The following TADA3 variants were observed in gnomAD, a reference collection of about 807,000 sequenced individuals.
TADA3 encodes the protein transcriptional adaptor 3.
Under a neutral mutation model 43.2 loss-of-function variants are expected in TADA3, and 25 were observed. That is an observed-to-expected ratio of 0.58 (90% CI 0.42 to 0.81). The LOEUF is 0.81. Ranked by LOEUF, TADA3 falls within the 30% of genes least tolerant of loss-of-function variation. The pLI, the probability that TADA3 is intolerant of heterozygous loss-of-function variation, is 0.00. For synonymous variants in TADA3, 235 were observed against 225.5 expected, an observed-to-expected ratio of 1.04 and a Z score of -0.38; for missense variants, 441 against 567.8, an observed-to-expected ratio of 0.78 and a Z score of 2.27.
At chr3:9,792,685 G>C (rs1200869129), upstream of TADA3, 3 of 1,233,316 alleles carry the variant, frequency 2.4e-6, no homozygotes, top group East Asian at 9.5e-5. Context: ...AGTTAGCCCC[G>C]CCGAGCGCCA....
chr3:9,785,553 G>A, intron 6 of TADA3, 128 bp from the exon 7 acceptor site: 1 of 655,022 alleles, frequency 1.5e-6, no homozygotes, highest in Non-Finnish European at 2.6e-6. Context: ...CCTACCGTGG[G>A]AAGCCTTCCC....
At chr3:9,790,679 T>C (rs2078707943) in intron 2 of TADA3, among the ~76,000 whole-genome samples, 3 of 152,250 alleles carry the variant, frequency 2.0e-5, no homozygotes, top group Admixed American at 1.3e-4. Flanking sequence ...ACTTACTTAG[T>C]GTCTGGCATT....
upstream of TADA3, chr3:9,792,478 A>C: frequency 1.1e-5 from 13 of 1,175,606 alleles, no homozygotes; most frequent in Admixed American, 4.6e-5. Flanking sequence ...GGAACTGGCT[A>C]TGGGCGGGCC....
In TADA3 at chr3:9,787,265, G is replaced by T. The variant is rs369910263; in HGVS notation, c.640C>A (p.Arg214=). The part of the protein sequence containing the change: ...DLLEEQKDGA[R]AAAVADKKKG... ...TTCTTGTCAGCCACAGCCGCTGCCC[G>T]GGCCCCATCCTTCTGCTCCTCCAGC... Residue 214 remains arginine, a synonymous_variant, in exon 5 of 9, where the codon CGG becomes AGG. Coordinates refer to ENST00000301964, the MANE Select transcript of TADA3 (RefSeq NM_006354.5). 3.1e-6 allele frequency: 5 copies of T among 1,614,192 alleles called. No homozygotes were observed. The East Asian group carries it at 8.9e-5, about 29-fold the overall frequency.
chr3:9,792,605 G>A, upstream of TADA3: 1 of 1,230,498 alleles, frequency 8.1e-7, no homozygotes, highest in Non-Finnish European at 1.0e-6. Context: ...CGGGTGGTCG[G>A]CCTCAGGCGA....
chr3:9,788,794 C>T (rs2125625786), intron 4 of TADA3, among the ~76,000 whole-genome samples: 1 of 152,116 alleles, frequency 6.6e-6, no homozygotes, highest in East Asian at 1.9e-4. Context: ...CCTGCCACAG[C>T]CTCCCAAAGT....
intron 4 of TADA3, 65 bp from the exon 5 acceptor site, chr3:9,787,405 A>G (rs1282279601): frequency 6.5e-7 from 1 of 1,537,038 alleles, no homozygotes; most frequent in Non-Finnish European, 8.7e-7. Context: ...TCATTCATTC[A>G]TTCACTTACC....
intron 4 of TADA3, chr3:9,788,101 G>A (rs1033074636): frequency 4.5e-6 from 1 of 222,080 alleles, no homozygotes; most frequent in Non-Finnish European, 9.2e-6. Flanking sequence ...GAGGAAGAAA[G>A]GCCTGGATGC....
upstream of TADA3, chr3:9,792,770 G>C: frequency 8.0e-7 from 1 of 1,248,642 alleles, no homozygotes; most frequent in Non-Finnish European, 1.0e-6. Flanking sequence ...CGTCCGCTTC[G>C]GCTTGTCCTA....
chr3:9,784,025 C>T lies in TADA3; in HGVS notation c.1106+3G>A, dbSNP rs2078544144. On this transcript the variant is annotated splice_donor_region_variant and intron_variant, in intron 8 of 8. Transcript: ENST00000301964. ...CGGGACTGTGCATCCTGCTAACGCT[C>T]ACCTCAGCAGGTCGTGCTTCTTGGT... The T allele has an allele frequency of 4.3e-6, 7 of 1,612,778 alleles. No individual in the cohort carries two copies. The highest frequency in any genetic ancestry group is 5.9e-6 in the Non-Finnish European group (7 of 1,179,082).
At chr3:9,789,431 G>A in intron 4 of TADA3, 78 bp downstream of exon 4, 2 of 1,344,676 alleles carry the variant, frequency 1.5e-6, no homozygotes, top group Non-Finnish European at 1.0e-6. Flanking sequence ...ATGATGCATG[G>A]CTTTGGTAGC....
At chr3:9,782,790 C>A (rs369083781) in intron 8 of TADA3, among the ~76,000 whole-genome samples, 833 of 119,548 alleles carry the variant, frequency 7.0e-3, no homozygotes, top group African/African-American at 8.2e-3. Context: ...GACACCGTCT[C>A]AAAAAAAAAA....
chr3:9,785,449 G>T (rs2078585270), intron 6 of TADA3, 24 bp from the exon 7 acceptor site: 2 of 1,544,752 alleles, frequency 1.3e-6, no homozygotes, highest in Non-Finnish European at 8.9e-7. Flanking sequence ...AAAATGAGTG[G>T]AAGGAAAAAT....
At chr3:9,786,738 T>C (rs2078623192) in intron 6 of TADA3, among the ~76,000 whole-genome samples, 1 of 152,212 alleles carries the variant, frequency 6.6e-6, no homozygotes. Context: ...TTCTAGGATA[T>C]AGTAATGTTT....
chr3:9,782,048 G>A (rs1052814853), intron 8 of TADA3, among the ~76,000 whole-genome samples: 3 of 151,854 alleles, frequency 2.0e-5, no homozygotes, highest in Non-Finnish European at 2.9e-5. Context: ...ACATTGCCCA[G>A]GCTAGTTTCG....
At chr3:9,793,010 G>T, upstream of TADA3, 1 of 1,525,016 alleles carries the variant, frequency 6.6e-7, no homozygotes. Context: ...AGCATAGATG[G>T]TACCGTCCGG....
At chr3:9,781,870 CACTCTGTCACCCAG>C (rs1291878521) in intron 8 of TADA3, among the ~76,000 whole-genome samples, 1 of 132,076 alleles carries the variant, frequency 7.6e-6, no homozygotes, top group East Asian at 2.3e-4. Flanking sequence ...AGACAGGTCT[CACTCTGTCACCCAG>C]GCTGGAGTAC....
intron 6 of TADA3, among the ~76,000 whole-genome samples, chr3:9,786,244 G>C (rs2078607270): frequency 6.6e-6 from 1 of 152,036 alleles, no homozygotes; most frequent in African/African-American, 2.4e-5. Flanking sequence ...CGGCCTCCTT[G>C]CTCTTATTCT....
intron 4 of TADA3, 40 bp downstream of exon 4, chr3:9,789,469 C>A: frequency 6.3e-7 from 1 of 1,583,780 alleles, no homozygotes. Context: ...TCTGAACTCT[C>A]TTGTTCCGCA....
Sources: gnomAD v4.1 joint callset for allele counts (sites outside exome capture counted in the v4.1 genomes callset) on GRCh38, gnomAD v4.1.1 for gene constraint, MANE v1.5 for transcripts, NCBI Gene and HGNC (gene_info 2026-07-23, HGNC 2026-07-21) for gene names.